PNKD: variants seen among roughly 807,000 people sequenced by gnomAD.
PNKD encodes the protein PNKD metallo-beta-lactamase domain containing, also known as probable thioesterase PNKD.
A neutral mutation model predicts 45.3 loss-of-function variants in PNKD; 36 were observed. The ratio of observed to expected loss-of-function variants is 0.80; its 90% CI spans 0.61 to 1.05. The LOEUF is 1.05. Ranked by LOEUF, PNKD falls within the 50% of genes least tolerant of loss-of-function variation. The pLI is 0.00. For synonymous variants in PNKD, 197 were observed against 210.1 expected, an observed-to-expected ratio of 0.94 and a Z score of 0.54; for missense variants, 511 against 506.6, an observed-to-expected ratio of 1.01 and a Z score of -0.08.
At position 218,342,123 on chromosome 2, in the gene PNKD, C is replaced by G; in HGVS notation, c.760C>G (p.Leu254Val). 1 of 1,613,612 alleles carries G rather than the reference C, an allele frequency of 6.2e-7. No individual in the cohort carries two copies. Among genetic ancestry groups the G allele is most frequent in the Non-Finnish European group, 8.5e-7 (1 of 1,179,916 alleles). The change falls in exon 7 of 10, where the codon CTG (leucine) becomes GTG (valine). Residue 254 changes from leucine (L) to valine (V), a missense_variant. By Grantham distance (32) the Leu-to-Val change is conservative. Transcript: ENST00000273077. ...KGPSCLFSGD[L>V]LFLSGCGRTF... The stretch of plus-strand genomic sequence containing the variant: ...TCCCTCCTGCCTCTTCTCAGGGGAC[C>G]TGCTCTTCCTCTCTGGCTGTGGTGA...
In PNKD at chr2:218,340,117, C is replaced by G. The variant is rs1181719465; in HGVS notation, c.441C>G (p.Asp147Glu). ...DTQAQLAVAVDPSDPRAVQAS... is the reference protein window; with the variant it reads ...DTQAQLAVAVEPSDPRAVQAS... ...AGGCCCAGCTGGCTGTGGCTGTGGA[C>G]CCTTCAGACCCTCGGGCTGTGCAGG... The change falls in exon 4 of 10, where the codon GAC becomes GAG. Residue 147 changes from aspartate to glutamate, a missense_variant. Physicochemically the swap from Asp to Glu is conservative, Grantham distance 45 (BLOSUM62 2). Transcript: ENST00000273077. The surrounding 1 kb of genome is among the most constrained non-coding windows in gnomAD (Gnocchi z 4.2). 8 of 1,612,654 alleles carry G rather than the reference C, an allele frequency of 5.0e-6. No individual in the cohort carries two copies. Among genetic ancestry groups the G allele is most frequent in the Non-Finnish European group, 5.1e-6 (6 of 1,178,832 alleles).
chr2:218,341,785 C>T (rs1031801915), intron 6 of PNKD, 159 bp downstream of exon 6: 2 of 766,278 alleles, frequency 2.6e-6, no homozygotes, highest in African/African-American at 3.4e-5. Context: ...TGCCCATCCC[C>T]CAACTGATCC....
At chr2:218,338,332 G>A (rs1574716297) in intron 2 of PNKD, among the ~76,000 whole-genome samples, 1 of 147,970 alleles carries the variant, frequency 6.8e-6, no homozygotes, top group East Asian at 2.1e-4. Flanking sequence ...ATGGTGGTGT[G>A]AGCCTGTAAT....
At chr2:218,343,373 G>C (rs1694738040) in intron 7 of PNKD, 127 bp from the exon 8 acceptor site, 1 of 797,976 alleles carries the variant, frequency 1.3e-6, no homozygotes, top group Non-Finnish European at 2.2e-6. Context: ...GGTGGGTCTG[G>C]AAAGTGCACA....
chr2:218,332,368 A>C (rs1393707181), intron 2 of PNKD, among the ~76,000 whole-genome samples: 1 of 152,176 alleles, frequency 6.6e-6, no homozygotes, highest in Non-Finnish European at 1.5e-5. Context: ...CCTTTCCCAG[A>C]AAGAGAAGAA....
intron 2 of PNKD, among the ~76,000 whole-genome samples, chr2:218,284,559 C>T (rs1384005834): frequency 6.6e-6 from 1 of 152,226 alleles, no homozygotes; most frequent in African/African-American, 2.4e-5. Flanking sequence ...TCACTCCTGC[C>T]TCTCTTGCCC....
At chr2:218,302,789 C>T (rs989436439) in intron 2 of PNKD, among the ~76,000 whole-genome samples, 7 of 152,256 alleles carry the variant, frequency 4.6e-5, no homozygotes, top group Non-Finnish European at 1.0e-4. Context: ...GAACACGTGG[C>T]CCAAGGTAGT....
At chr2:218,344,746 T>C in intron 9 of PNKD, 62 bp from the exon 10 acceptor site, 1 of 1,556,106 alleles carries the variant, frequency 6.4e-7, no homozygotes, top group African/African-American at 1.4e-5. Flanking sequence ...CGGGTCAGGC[T>C]TCTCTGTCTT....
At chr2:218,310,209 T>C (rs1190742776) in intron 2 of PNKD, among the ~76,000 whole-genome samples, 3 of 151,792 alleles carry the variant, frequency 2.0e-5, no homozygotes, top group East Asian at 3.9e-4. Context: ...CACATGACAA[T>C]GTTTTTTGTT....
At chr2:218,290,092 G>C (rs866793138) in intron 2 of PNKD, 5 of 152,156 alleles carry the variant, frequency 3.3e-5, no homozygotes, top group Admixed American at 6.6e-5. Flanking sequence ...TGGAGAAACA[G>C]AATCACCTAG....
At chr2:218,324,094 C>T (rs979904345) in intron 2 of PNKD, among the ~76,000 whole-genome samples, 2 of 152,220 alleles carry the variant, frequency 1.3e-5, no homozygotes, top group African/African-American at 4.8e-5. Context: ...CGACCCTCCC[C>T]CGCTCACTCT....
At chr2:218,315,012 T>TTTTCTTTC (rs1693739490) in intron 2 of PNKD, among the ~76,000 whole-genome samples, 1 of 4,052 alleles carries the variant, frequency 2.5e-4, no homozygotes, top group African/African-American at 8.0e-4. Flanking sequence ...CTTTCTTTCT[T>TTTTCTTTC]TTTCTTTCTT....
chr2:218,340,814 AC>A lies in PNKD; in HGVS notation c.524+31del, dbSNP rs768222226. Reference sequence around the variant, plus strand: ...AAGGGGCTCCCGTCTTCCCTGGCCCACCCTTGTCCCAGCTGGGCTTGCCAGG... The same window carrying A: ...AAGGGGCTCCCGTCTTCCCTGGCCCACCTTGTCCCAGCTGGGCTTGCCAGG... On this transcript the variant is annotated intron_variant, in intron 5 of 9. Transcript: ENST00000273077. The surrounding 1 kb of genome is among the most constrained non-coding windows in gnomAD (Gnocchi z 4.2). 15 of 1,600,898 alleles carry A rather than the reference AC, an allele frequency of 9.4e-6. No individual in the cohort carries two copies. In the African/African-American group the frequency reaches 1.9e-4, roughly 20 times the overall value.
chr2:218,335,007 C>T (rs1694446058), intron 2 of PNKD, among the ~76,000 whole-genome samples: 1 of 151,924 alleles, frequency 6.6e-6, no homozygotes. Context: ...AAATAATTAG[C>T]TGGGCATGTC....
rs1052578 is a variant in PNKD at position 218,345,883 on chromosome 2, T to C, written c.*902T>C. 68,301 of 152,420 alleles carry C rather than the reference T, an allele frequency of 0.45. 17,184 individuals carry two copies. The highest frequency in any genetic ancestry group is 0.63 in the East Asian group (3,336 of 5,318). 9.4% of individuals were successfully genotyped at this position (152,420 alleles called of 1,614,324 possible). Reference sequence around the variant, plus strand: ...TTGTTCTTAGGCCCGTCTGCCCGCCTTCCTCCATCTAACCTTTCCTGTTTT... The same window carrying C: ...TTGTTCTTAGGCCCGTCTGCCCGCCCTCCTCCATCTAACCTTTCCTGTTTT... On this transcript the variant is annotated 3_prime_UTR_variant, in exon 10 of 10. Transcript: ENST00000273077.
chr2:218,283,459 G>A (rs979798686), intron 2 of PNKD, among the ~76,000 whole-genome samples: 2 of 152,162 alleles, frequency 1.3e-5, no homozygotes, highest in Non-Finnish European at 2.9e-5. Flanking sequence ...GAGGAGCTAA[G>A]GAAGCCCCTA....
At chr2:218,334,515 T>C (rs1694432031) in intron 2 of PNKD, among the ~76,000 whole-genome samples, 1 of 152,190 alleles carries the variant, frequency 6.6e-6, no homozygotes, top group Non-Finnish European at 1.5e-5. Context: ...CTAGCTGGCA[T>C]GGTGGCACGC....
chr2:218,295,028 C>A (rs1333251508), intron 2 of PNKD, among the ~76,000 whole-genome samples: 1 of 152,316 alleles, frequency 6.6e-6, no homozygotes, highest in South Asian at 2.1e-4. Context: ...TCACCAGCGA[C>A]TCACATCTGC....
At chr2:218,302,234 G>A (rs2106252613) in intron 2 of PNKD, among the ~76,000 whole-genome samples, 1 of 152,298 alleles carries the variant, frequency 6.6e-6, no homozygotes, top group Admixed American at 6.5e-5. Flanking sequence ...TGTAGTCCCA[G>A]CTACTCGGGA....
Sources: gnomAD v4.1 joint callset for allele counts (sites outside exome capture counted in the v4.1 genomes callset) on GRCh38, gnomAD v4.1.1 for gene constraint, Gnocchi (gnomAD v3.1) non-coding constraint, MANE v1.5 for transcripts, NCBI Gene and HGNC (gene_info 2026-07-23, HGNC 2026-07-21) for gene names.